Variants in IL1RAPL1 observed in about 807,000 individuals in gnomAD.
IL1RAPL1 encodes the protein interleukin 1 receptor accessory protein like 1, also known as interleukin-1 receptor accessory protein-like 1.
In IL1RAPL1, 3 loss-of-function variants were observed where a neutral mutation model predicts 48.4. The observed-to-expected ratio is 0.06, with a 90% CI of 0.03 to 0.16. The LOEUF (loss-of-function observed/expected upper bound fraction) is 0.16, where lower values mean the gene tolerates loss of function less well. IL1RAPL1 is among the 10% of genes least tolerant of loss of function. The pLI, the probability that IL1RAPL1 is intolerant of heterozygous loss-of-function variation, is 1.00. For missense variants in IL1RAPL1, 349 were observed against 530.6 expected, an observed-to-expected ratio of 0.66 and a Z score of 3.36; for synonymous variants, 185 against 187.7, an observed-to-expected ratio of 0.99 and a Z score of 0.12.
At chrX:28,815,839 GTATATATA>G (rs61436993) in intron 2 of IL1RAPL1, among the ~76,000 whole-genome samples, 655 of 29,104 alleles carry the variant, frequency 0.023, 20 homozygotes, top group African/African-American at 0.043. Context: ...GTGTGTTTAT[GTATATATA>G]TATATATATA....
intron 2 of IL1RAPL1, among the ~76,000 whole-genome samples, chrX:28,997,305 A>G (rs1256954090): frequency 8.9e-6 from 1 of 112,076 alleles, no homozygotes; most frequent in Non-Finnish European, 1.9e-5. Flanking sequence ...TTATTAAATC[A>G]TATTCTTAAG....
intron 8 of IL1RAPL1, among the ~76,000 whole-genome samples, chrX:29,924,153 T>C (rs1932867524): frequency 8.9e-6 from 1 of 112,214 alleles, no homozygotes; most frequent in African/African-American, 3.2e-5. Context: ...TGTAAATACT[T>C]ATCACAGTGT....
At chrX:28,638,217 T>C (rs989780585) in intron 1 of IL1RAPL1, among the ~76,000 whole-genome samples, 2 of 111,678 alleles carry the variant, frequency 1.8e-5, no homozygotes, top group Admixed American at 1.9e-4. Flanking sequence ...GTGTATATTG[T>C]GAAATTATAT....
chrX:29,765,321 C>T (rs950647757), intron 6 of IL1RAPL1, among the ~76,000 whole-genome samples: 13 of 105,996 alleles, frequency 1.2e-4, no homozygotes, highest in African/African-American at 3.8e-4. Context: ...ATAGAGACTG[C>T]ATTCTCCCAG....
intron 5 of IL1RAPL1, among the ~76,000 whole-genome samples, chrX:29,528,485 C>T (rs1935577753): frequency 8.9e-6 from 1 of 112,612 alleles, no homozygotes; most frequent in African/African-American, 3.2e-5. Flanking sequence ...TGTTTGTTTT[C>T]TGTGCTGTGT....
chrX:29,494,433 T>C (rs1171761475), intron 5 of IL1RAPL1, among the ~76,000 whole-genome samples: 9 of 112,113 alleles, frequency 8.0e-5, no homozygotes, highest in African/African-American at 2.9e-4. Flanking sequence ...TGCTGGACAT[T>C]TCCTTAGGTT....
chrX:29,081,016 CTCTCTTTCTTTTCT>C (rs1425001119), intron 2 of IL1RAPL1, among the ~76,000 whole-genome samples: 10 of 54,410 alleles, frequency 1.8e-4, no homozygotes, highest in Non-Finnish European at 2.4e-4. Flanking sequence ...CTCTCTCTCT[CTCTCTTTCTTTTCT>C]TTTCTTTTCT....
At chrX:28,829,407 A>G (rs1920995483) in intron 2 of IL1RAPL1, among the ~76,000 whole-genome samples, 1 of 110,913 alleles carries the variant, frequency 9.0e-6, no homozygotes, top group Non-Finnish European at 1.9e-5. Flanking sequence ...TGAGTGTGGA[A>G]ACTCTTGTCT....
At chrX:29,080,994 T>TTCTTTCTTTCTTTCTCTC (rs1569232789) in intron 2 of IL1RAPL1, among the ~76,000 whole-genome samples, 1 of 26,441 alleles carries the variant, frequency 3.8e-5, no homozygotes, top group Non-Finnish European at 7.8e-5. Flanking sequence ...CTTTCTTTCT[T>TTCTTTCTTTCTTTCTCTC]TCTCTCTCTC....
chrX:29,502,915 T>A (rs1012578164), intron 5 of IL1RAPL1, among the ~76,000 whole-genome samples: 5 of 111,828 alleles, frequency 4.5e-5, no homozygotes, highest in African/African-American at 1.6e-4. Context: ...AATTCAGCAG[T>A]AAAGCCATTG....
chrX:28,745,232 G>A (rs755917913), intron 1 of IL1RAPL1, among the ~76,000 whole-genome samples: 1 of 111,797 alleles, frequency 8.9e-6, no homozygotes, highest in South Asian at 3.7e-4. Context: ...AGCCTTTAGG[G>A]TAGGACCCAG....
intron 7 of IL1RAPL1, among the ~76,000 whole-genome samples, chrX:29,918,006 C>T (rs769432681): frequency 3.0e-5 from 3 of 98,682 alleles, no homozygotes; most frequent in South Asian, 1.0e-3. Flanking sequence ...GCCTATTGTC[C>T]GGGCTACTCG....
intron 6 of IL1RAPL1, among the ~76,000 whole-genome samples, chrX:29,743,440 ATTTAC>A (rs1216463624): frequency 9.0e-6 from 1 of 111,174 alleles, no homozygotes; most frequent in Non-Finnish European, 1.9e-5. Context: ...TTCTAATGTA[ATTTAC>A]TTTAGGAAAA....
At chrX:28,771,194 C>T (rs1936302964) in intron 1 of IL1RAPL1, among the ~76,000 whole-genome samples, 1 of 111,672 alleles carries the variant, frequency 9.0e-6, no homozygotes. Flanking sequence ...ATAGAAGTTT[C>T]TACCATCTCC....
At chrX:29,240,601 C>A (rs1337805190) in intron 2 of IL1RAPL1, among the ~76,000 whole-genome samples, 1 of 110,950 alleles carries the variant, frequency 9.0e-6, no homozygotes, top group African/African-American at 3.3e-5. Flanking sequence ...TTATGGACAT[C>A]TTAATTTTCA....
chrX:28,646,836 A>G (rs1454788956), intron 1 of IL1RAPL1, among the ~76,000 whole-genome samples: 3 of 112,380 alleles, frequency 2.7e-5, no homozygotes, highest in Non-Finnish European at 5.6e-5. Flanking sequence ...CATATCCCAA[A>G]GATAACATTT....
At chrX:29,776,518 T>C (rs1233401825) in intron 6 of IL1RAPL1, among the ~76,000 whole-genome samples, 2 of 112,020 alleles carry the variant, frequency 1.8e-5, no homozygotes, top group Admixed American at 9.5e-5. Context: ...TTCAGTGAGG[T>C]CCAAGAATTT....
chrX:29,656,645 A>G (rs1243554516), intron 5 of IL1RAPL1, among the ~76,000 whole-genome samples: 1 of 110,330 alleles, frequency 9.1e-6, no homozygotes, highest in Non-Finnish European at 1.9e-5. Context: ...ATATATATAT[A>G]TATTTATACA....
chrX:29,287,175 T>C (rs935066238), intron 3 of IL1RAPL1, among the ~76,000 whole-genome samples: 1 of 111,932 alleles, frequency 8.9e-6, no homozygotes, highest in African/African-American at 3.2e-5. Flanking sequence ...GCAATATTAA[T>C]GAAATCATAC....
Sources: gnomAD v4.1 joint callset for allele counts (sites outside exome capture counted in the v4.1 genomes callset) on GRCh38, gnomAD v4.1.1 for gene constraint, MANE v1.5 for transcripts, NCBI Gene and HGNC (gene_info 2026-07-23, HGNC 2026-07-21) for gene names.